ARHGEF38: variants seen among roughly 807,000 people sequenced by gnomAD.
ARHGEF38 encodes the protein Rho guanine nucleotide exchange factor 38.
ARHGEF38 carries 79 observed loss-of-function variants against 79.9 expected under a neutral mutation model. That is an observed-to-expected ratio of 0.99 (90% confidence interval 0.82 to 1.19). The LOEUF is 1.19. Among genes scored for constraint, ARHGEF38 ranks in the 50% most tolerant of loss-of-function variants. The pLI is 0.00. For synonymous variants in ARHGEF38, 366 were observed against 328.3 expected (o/e 1.11, Z -1.24); for missense variants, 962 against 907.2 (o/e 1.06, Z -0.78).
chr4:105,646,413 T>C (rs1560744627), intron 6 of ARHGEF38, among the ~76,000 whole-genome samples: 1 of 152,228 alleles, frequency 6.6e-6, no homozygotes, highest in Admixed American at 6.5e-5. Flanking sequence ...AATCTTCATT[T>C]ATACTCAGGG....
Position 105,613,427 on chromosome 4 carries a change from C to T in ARHGEF38, c.428C>T (p.Ser143Phe). The change falls in exon 3 of 14, where the codon TCC becomes TTC. Residue 143 changes from serine to phenylalanine, a missense_variant. Physicochemically the swap from Ser to Phe is radical, Grantham distance 155. Transcript: ENST00000420470. ...DVDSLFSNIESVHQISAKLLS... is the reference protein window; with the variant it reads ...DVDSLFSNIEFVHQISAKLLS... ...GATAGCTTGTTTAGCAACATTGAGT[C>T]CGTGCATCAGATATCAGCCAAGCTG... The T allele has an allele frequency of 1.2e-6, 2 of 1,613,350 alleles. No individual in the cohort carries two copies. Among genetic ancestry groups the T allele is most frequent in the South Asian group, 1.1e-5 (1 of 90,990 alleles).
rs572644866 is a variant in ARHGEF38 at position 105,590,136 on chromosome 4, A to T, written c.384+701A>T. 1.5e-3 allele frequency among the ~76,000 whole-genome samples: 227 copies of T among 148,214 alleles called. 1 individual carries two copies. Among genetic ancestry groups the T allele is most frequent in the South Asian group, 0.01 (48 of 4,758 alleles). On this transcript the variant is annotated intron_variant, in intron 2 of 13. Transcript: ENST00000420470. ...GAAGGAAGGAAGGAAGGAAAGAAAG[A>T]AAAAAAAGAAAGAAAGAAAGAGAGA...
At chr4:105,623,246 A>T (rs1461153006) in intron 3 of ARHGEF38, among the ~76,000 whole-genome samples, 3 of 152,204 alleles carry the variant, frequency 2.0e-5, no homozygotes, top group Non-Finnish European at 2.9e-5. Flanking sequence ...CGTGCAGTGC[A>T]TTGGCTGGCA....
intron 1 of ARHGEF38, among the ~76,000 whole-genome samples, chr4:105,553,300 G>A (rs1041279550): frequency 2.6e-5 from 4 of 151,956 alleles, no homozygotes; most frequent in African/African-American, 7.3e-5. Flanking sequence ...GAAAGCAAAT[G>A]AGTTAGAAAC....
intron 1 of ARHGEF38, among the ~76,000 whole-genome samples, chr4:105,576,256 G>T (rs932649393): frequency 1.3e-5 from 2 of 151,972 alleles, no homozygotes; most frequent in African/African-American, 2.4e-5. Flanking sequence ...CATTTTCACA[G>T]TATTGATTAT....
chr4:105,604,414 C>T (rs1407156119), intron 2 of ARHGEF38, among the ~76,000 whole-genome samples: 2 of 152,184 alleles, frequency 1.3e-5, no homozygotes, highest in Non-Finnish European at 2.9e-5. Flanking sequence ...CTGCCCACCA[C>T]ATCTTTTTGA....
intron 1 of ARHGEF38, among the ~76,000 whole-genome samples, chr4:105,585,967 G>A (rs775230017): frequency 2.0e-5 from 3 of 151,878 alleles, no homozygotes; most frequent in Non-Finnish European, 4.4e-5. Context: ...CTAACCTCAG[G>A]TGATCCACCC....
intron 1 of ARHGEF38, among the ~76,000 whole-genome samples, chr4:105,573,498 A>G (rs1726336914): frequency 6.6e-6 from 1 of 152,120 alleles, no homozygotes; most frequent in Non-Finnish European, 1.5e-5. Context: ...TTTTCCCCAT[A>G]AAATAGTCTT....
intron 13 of ARHGEF38, among the ~76,000 whole-genome samples, chr4:105,671,584 G>T (rs931169343): frequency 6.6e-6 from 1 of 152,146 alleles, no homozygotes; most frequent in East Asian, 1.9e-4. Flanking sequence ...AGAAATTGTG[G>T]GGAGAAGAAA....
intron 5 of ARHGEF38, among the ~76,000 whole-genome samples, chr4:105,641,313 A>T (rs934932834): frequency 2.0e-5 from 3 of 152,080 alleles, no homozygotes; most frequent in Admixed American, 1.3e-4. Flanking sequence ...ACTGTAATTG[A>T]TTAACATTTG....
chr4:105,629,158 C>T (rs896365180), intron 3 of ARHGEF38, among the ~76,000 whole-genome samples: 2 of 152,156 alleles, frequency 1.3e-5, no homozygotes, highest in Admixed American at 1.3e-4. Flanking sequence ...TCAAATTCCC[C>T]ACACAAACCC....
At chr4:105,558,130 ACC>A (rs1451553712) in intron 1 of ARHGEF38, among the ~76,000 whole-genome samples, 1 of 152,204 alleles carries the variant, frequency 6.6e-6, no homozygotes, top group Non-Finnish European at 1.5e-5. Flanking sequence ...AAGATGAACC[ACC>A]CTACTGTATG....
At chr4:105,652,811 G>A (rs924455326) in intron 7 of ARHGEF38, among the ~76,000 whole-genome samples, 3 of 152,128 alleles carry the variant, frequency 2.0e-5, no homozygotes, top group African/African-American at 7.2e-5. Context: ...TGGATTTTGT[G>A]GGGATTCCAA....
In ARHGEF38 at chr4:105,679,968, A is replaced by G; in HGVS notation, c.*2031A>G. On this transcript the variant is annotated 3_prime_UTR_variant, in exon 14 of 14. Coordinates refer to ENST00000420470, the MANE Select transcript of ARHGEF38 (RefSeq NM_001242729.2). Reference sequence around the variant, plus strand: ...GTGTAATTTCTCTTTGTGACTGTGCAATGTCCCCATGTAAACACAGTGCAT... The same window carrying G: ...GTGTAATTTCTCTTTGTGACTGTGCGATGTCCCCATGTAAACACAGTGCAT... 4 of 1,330,216 alleles carry G rather than the reference A, an allele frequency of 3.0e-6. No individual in the cohort carries two copies. The highest frequency in any genetic ancestry group is 4.3e-6 in the Non-Finnish European group (4 of 926,638). The allele number at this position is 1,330,216 out of a possible 1,614,324, so 82.4% of individuals were successfully genotyped here. A position where few individuals can be genotyped will look rare whatever the true frequency, so the allele number is the denominator to read the frequency against.
intron 1 of ARHGEF38, among the ~76,000 whole-genome samples, chr4:105,578,595 G>A (rs534514351): frequency 2.7e-4 from 41 of 152,204 alleles, no homozygotes; most frequent in African/African-American, 7.2e-4. Flanking sequence ...GGGAGCTCCC[G>A]TGTAAGGTAC....
chr4:105,597,568 C>A (rs1727636266), intron 2 of ARHGEF38, among the ~76,000 whole-genome samples: 1 of 152,182 alleles, frequency 6.6e-6, no homozygotes, highest in Admixed American at 6.5e-5. Context: ...GGCTCACTGA[C>A]CACAACTTTC....
chr4:105,554,622 G>C (rs1022398093), intron 1 of ARHGEF38, among the ~76,000 whole-genome samples: 1 of 152,068 alleles, frequency 6.6e-6, no homozygotes, highest in South Asian at 2.1e-4. Context: ...TCTAAACCTG[G>C]TTCTTCAACT....
At chr4:105,625,785 A>G (rs1728919098) in intron 3 of ARHGEF38, among the ~76,000 whole-genome samples, 2 of 152,238 alleles carry the variant, frequency 1.3e-5, no homozygotes, top group Non-Finnish European at 2.9e-5. Context: ...CTTTAGAAGC[A>G]GATTATGACC....
intron 11 of ARHGEF38, 93 bp downstream of exon 11, chr4:105,666,413 A>C (rs1045159955): frequency 5.2e-5 from 66 of 1,271,888 alleles, no homozygotes; most frequent in Non-Finnish European, 6.1e-5. Flanking sequence ...CACTTATCTC[A>C]TTCTAATATC....
Sources: gnomAD v4.1 joint callset for allele counts (sites outside exome capture counted in the v4.1 genomes callset) on GRCh38, gnomAD v4.1.1 for gene constraint, MANE v1.5 for transcripts, NCBI Gene and HGNC (gene_info 2026-07-23, HGNC 2026-07-21) for gene names.